The following DOCK4 variants were observed in gnomAD, a reference collection of about 807,000 sequenced individuals.
The protein encoded by DOCK4 is dedicator of cytokinesis protein 4.
A neutral mutation model predicts 268.1 loss-of-function variants in DOCK4; 97 were observed. The ratio of observed to expected loss-of-function variants is 0.36; its 90% confidence interval spans 0.31 to 0.43. The LOEUF is 0.43. Ranked by LOEUF, DOCK4 falls within the 20% of genes least tolerant of loss-of-function variation. The pLI, the probability that DOCK4 is intolerant of heterozygous loss-of-function variation, is 1.00. For missense variants in DOCK4, 2,145 were observed against 2,455.7 expected (o/e 0.87, Z 2.67); for synonymous variants, 954 against 887.2 (o/e 1.08, Z -1.34).
At chr7:112,145,811 G>A (rs1815423959) in intron 1 of DOCK4, among the ~76,000 whole-genome samples, 1 of 137,512 alleles carries the variant, frequency 7.3e-6, no homozygotes, top group Admixed American at 7.1e-5. Flanking sequence ...ACAGAACTTA[G>A]TTACTTGGAA....
At chr7:111,994,571 T>C (rs2135253434) in intron 4 of DOCK4, among the ~76,000 whole-genome samples, 1 of 152,314 alleles carries the variant, frequency 6.6e-6, no homozygotes, top group South Asian at 2.1e-4. Context: ...GTCACTGGGC[T>C]ACATAAACTC....
chr7:111,778,441 C>T (rs999900775), intron 35 of DOCK4, 72 bp from the exon 36 acceptor site: 21 of 923,998 alleles, frequency 2.3e-5, no homozygotes, highest in African/African-American at 8.4e-5. Flanking sequence ...TTTTACTCTG[C>T]TAAAGTTCCA....
At chr7:111,741,006 G>C in intron 47 of DOCK4, 88 bp downstream of exon 47, 1 of 1,520,576 alleles carries the variant, frequency 6.6e-7, no homozygotes, top group Non-Finnish European at 9.0e-7. Context: ...TTGTTGGTCT[G>C]TTCATCAGCA....
intron 23 of DOCK4, among the ~76,000 whole-genome samples, chr7:111,849,808 G>C (rs1804402488): frequency 6.6e-6 from 1 of 152,136 alleles, no homozygotes; most frequent in Non-Finnish European, 1.5e-5. Context: ...TGAAGATGAA[G>C]GGTGCAACAC....
chr7:111,786,084 G>C (rs1239624415), intron 32 of DOCK4, among the ~76,000 whole-genome samples: 1 of 152,174 alleles, frequency 6.6e-6, no homozygotes, highest in Non-Finnish European at 1.5e-5. Flanking sequence ...AGAGATGTAA[G>C]GTATGGTGTC....
intron 16 of DOCK4, among the ~76,000 whole-genome samples, chr7:111,881,411 A>T: frequency 6.6e-6 from 1 of 152,234 alleles, no homozygotes; most frequent in East Asian, 1.9e-4. Context: ...TTTATCCAAA[A>T]GACAGGCAGT....
chr7:111,742,948 T>C (rs10275090), intron 44 of DOCK4, among the ~76,000 whole-genome samples: 145,522 of 151,990 alleles, frequency 0.96, 69,699 homozygotes, highest in Middle Eastern at 0.98. Context: ...GCCAAGATCA[T>C]GCCACTGCAT....
intron 1 of DOCK4, among the ~76,000 whole-genome samples, chr7:112,135,356 T>C (rs1380992055): frequency 1.3e-5 from 2 of 152,178 alleles, no homozygotes; most frequent in Non-Finnish European, 2.9e-5. Flanking sequence ...ATCTATCTAT[T>C]CTTACTTCTT....
Position 112,206,278 on chromosome 7 carries a change from T to C in DOCK4, c.-140A>G. 1 of 909,696 alleles carries C rather than the reference T, an allele frequency of 1.1e-6. No homozygotes were observed. The highest frequency in any genetic ancestry group is 1.7e-6 in the Non-Finnish European group (1 of 601,296). 56.4% of individuals were successfully genotyped at this position (909,696 alleles called of 1,614,324 possible). A position where few individuals can be genotyped will look rare whatever the true frequency, so the allele number is the denominator to read the frequency against. ...CGGGCTGCGGGCGCTGGGCAGGATC[T>C]GCGCTGGAGGCTCCCGAGCCCAGCG... On this transcript the variant is annotated 5_prime_UTR_variant, in exon 1 of 53. Coordinates refer to ENST00000428084, the MANE Select transcript of DOCK4 (RefSeq NM_001363540.2).
chr7:111,844,875 A>G lies in DOCK4; in HGVS notation c.2624T>C (p.Ile875Thr). The change falls in exon 25 of 53, where the codon ATA becomes ACA. Residue 875 changes from isoleucine (I) to threonine (T), a missense_variant. Transcript: ENST00000428084. ...NSSEKSVLEE[I>T]DVIVASLLDI... ...CAGCAAGCTGGCCACTATCACATCT[A>G]TTTCCTCCAGCACAGATTTTTCCTT... 2 of 1,612,654 alleles carry G rather than the reference A, an allele frequency of 1.2e-6. No individual in the cohort carries two copies. The highest frequency in any genetic ancestry group is 1.7e-4 in the Middle Eastern group (1 of 6,038).
chr7:112,113,669 C>T (rs1811861462), intron 1 of DOCK4, among the ~76,000 whole-genome samples: 2 of 150,414 alleles, frequency 1.3e-5, no homozygotes, highest in Non-Finnish European at 3.0e-5. Flanking sequence ...CAACTCCTGG[C>T]CTCAAACAAT....
At chr7:112,150,333 G>A (rs1230101862) in intron 1 of DOCK4, among the ~76,000 whole-genome samples, 1 of 152,110 alleles carries the variant, frequency 6.6e-6, no homozygotes, top group Admixed American at 6.6e-5. Context: ...TAATTTATGG[G>A]TACAGCCTCA....
intron 30 of DOCK4, among the ~76,000 whole-genome samples, chr7:111,791,816 C>A (rs6952833): frequency 6.6e-6 from 1 of 152,126 alleles, no homozygotes; most frequent in Non-Finnish European, 1.5e-5. Flanking sequence ...GCCATCCACC[C>A]GCCTCGGCCT....
intron 1 of DOCK4, among the ~76,000 whole-genome samples, chr7:112,069,409 G>C (rs1243860411): frequency 6.6e-6 from 1 of 152,122 alleles, no homozygotes; most frequent in Admixed American, 6.5e-5. Context: ...TCATGTCATT[G>C]TTACTAGATA....
intron 1 of DOCK4, among the ~76,000 whole-genome samples, chr7:112,168,908 A>G (rs969605648): frequency 6.6e-6 from 1 of 152,228 alleles, no homozygotes; most frequent in African/African-American, 2.4e-5. Flanking sequence ...AACTTAAAAA[A>G]TAGTATCAGC....
intron 30 of DOCK4, among the ~76,000 whole-genome samples, chr7:111,797,666 C>G (rs1563518989): frequency 1.3e-5 from 2 of 152,086 alleles, no homozygotes; most frequent in African/African-American, 2.4e-5. Context: ...CCCAAAAACT[C>G]AGGAAATAAA....
intron 1 of DOCK4, among the ~76,000 whole-genome samples, chr7:112,085,396 G>C (rs1808982904): frequency 1.3e-5 from 2 of 151,814 alleles, no homozygotes; most frequent in Admixed American, 6.6e-5. Context: ...GCACTAGATT[G>C]AAAGACATCT....
intron 17 of DOCK4, among the ~76,000 whole-genome samples, chr7:111,873,447 C>A (rs1378197728): frequency 6.6e-6 from 1 of 152,150 alleles, no homozygotes; most frequent in Non-Finnish European, 1.5e-5. Context: ...CGCAGGGCAG[C>A]GGGACCTGGT....
chr7:111,929,416 G>A (rs1794011879), intron 12 of DOCK4, among the ~76,000 whole-genome samples: 1 of 151,950 alleles, frequency 6.6e-6, no homozygotes, highest in Admixed American at 6.6e-5. Context: ...AAAATATTTA[G>A]GAAACTCCAA....
Sources: gnomAD v4.1 joint callset for allele counts (sites outside exome capture counted in the v4.1 genomes callset) on GRCh38, gnomAD v4.1.1 for gene constraint, MANE v1.5 for transcripts, NCBI Gene and HGNC (gene_info 2026-07-23, HGNC 2026-07-21) for gene names.